The following NRXN1 variants were observed in gnomAD, a reference collection of about 807,000 sequenced individuals.
NRXN1 encodes the protein neurexin-1.
A neutral mutation model predicts 150.9 loss-of-function variants in NRXN1; 39 were observed. The ratio of observed to expected loss-of-function variants is 0.26; its 90% confidence interval spans 0.20 to 0.34. NRXN1 has a LOEUF of 0.34. NRXN1 is among the 10% of genes least tolerant of loss of function. The pLI, the probability that NRXN1 is intolerant of heterozygous loss-of-function variation, is 1.00. For missense variants in NRXN1, 1,815 were observed against 1,949.9 expected (o/e 0.93, Z 1.30); for synonymous variants, 924 against 757.0 (o/e 1.22, Z -3.62).
chr2:50,921,752 A>G, intron 5 of NRXN1, 117 bp downstream of exon 5: 2 of 421,236 alleles, frequency 4.7e-6, no homozygotes, highest in Non-Finnish European at 8.6e-6. Flanking sequence ...TTATTAACAC[A>G]TATACCTACC....
intron 17 of NRXN1, among the ~76,000 whole-genome samples, chr2:50,324,546 T>C (rs1312207980): frequency 1.3e-5 from 2 of 152,216 alleles, no homozygotes; most frequent in Non-Finnish European, 2.9e-5. Context: ...TTTTATTTTA[T>C]TTGTTTATTT....
At chr2:50,704,502 C>A (rs1694173539) in intron 5 of NRXN1, among the ~76,000 whole-genome samples, 1 of 151,014 alleles carries the variant, frequency 6.6e-6, no homozygotes, top group African/African-American at 2.4e-5. Flanking sequence ...AATTTAGAAG[C>A]TAAAAATCTG....
At chr2:50,498,073 C>T (rs368818943) in intron 13 of NRXN1, among the ~76,000 whole-genome samples, 13 of 151,988 alleles carry the variant, frequency 8.6e-5, no homozygotes, top group South Asian at 4.1e-4. Context: ...CACAGAGAGA[C>T]GCATTAGGAG....
intron 17 of NRXN1, among the ~76,000 whole-genome samples, chr2:50,401,711 C>G (rs917059818): frequency 6.6e-6 from 1 of 152,078 alleles, no homozygotes; most frequent in Non-Finnish European, 1.5e-5. Context: ...TTGGGGTAGG[C>G]AAGTTGCCAC....
intron 18 of NRXN1, among the ~76,000 whole-genome samples, chr2:50,134,098 T>A (rs1344452328): frequency 6.6e-6 from 1 of 152,006 alleles, no homozygotes; most frequent in Non-Finnish European, 1.5e-5. Context: ...TATGAAAATC[T>A]CACACTTTTA....
chr2:50,060,542 G>A (rs6545148), intron 19 of NRXN1, among the ~76,000 whole-genome samples: 2 of 151,982 alleles, frequency 1.3e-5, no homozygotes, highest in East Asian at 2.0e-4. Flanking sequence ...TGAAATGTGA[G>A]GGCATGAGAT....
At chr2:50,429,186 G>A (rs963895131) in intron 17 of NRXN1, among the ~76,000 whole-genome samples, 3 of 151,996 alleles carry the variant, frequency 2.0e-5, no homozygotes, top group African/African-American at 7.2e-5. Context: ...CCTAACCTGA[G>A]AGGTTGTTAA....
At chr2:50,964,320 A>G (rs1693704370) in intron 2 of NRXN1, among the ~76,000 whole-genome samples, 1 of 151,514 alleles carries the variant, frequency 6.6e-6, no homozygotes, top group Non-Finnish European at 1.5e-5. Flanking sequence ...CCTATGTGTC[A>G]GGTGACCACT....
At chr2:50,003,381 G>A (rs1684258990) in intron 21 of NRXN1, among the ~76,000 whole-genome samples, 1 of 152,016 alleles carries the variant, frequency 6.6e-6, no homozygotes, top group South Asian at 2.1e-4. Flanking sequence ...ACAAATTTTT[G>A]CTACTTCAAA....
rs552739091 is a variant in NRXN1, at chr2:50,957,957, G to T, written c.773-32002C>A. Among the ~76,000 whole-genome samples the T allele has an allele frequency of 2.0e-5, 3 of 152,108 alleles. No homozygotes were observed. The South Asian group carries it at 6.3e-4, about 32-fold the overall frequency. The stretch of plus-strand genomic sequence containing the variant: ...AAAACAAGGGATCATTCAAGAGTTA[G>T]CTTTTTTTGTAGTGGAATCATTCCA... On this transcript the variant is annotated intron_variant, in intron 2 of 22. Coordinates refer to ENST00000401669, the MANE Select transcript of NRXN1 (RefSeq NM_001330078.2).
intron 21 of NRXN1, among the ~76,000 whole-genome samples, chr2:49,963,062 C>T (rs940591760): frequency 1.3e-5 from 2 of 151,972 alleles, no homozygotes; most frequent in African/African-American, 4.8e-5. Flanking sequence ...ATTAAATATC[C>T]ATATTTATAT....
chr2:49,985,148 G>A (rs1208203304), intron 21 of NRXN1, among the ~76,000 whole-genome samples: 1 of 152,098 alleles, frequency 6.6e-6, no homozygotes, highest in Non-Finnish European at 1.5e-5. Context: ...TATACCTTTT[G>A]AAAATTTCCA....
chr2:50,753,973 G>GGA (rs1700902312), intron 5 of NRXN1, among the ~76,000 whole-genome samples: 2 of 125,208 alleles, frequency 1.6e-5, no homozygotes, highest in Middle Eastern at 4.2e-3. Flanking sequence ...TTGGGGGGGG[G>GGA]CGGAATTCCC....
At chr2:50,968,390 G>A (rs1481688917) in intron 2 of NRXN1, among the ~76,000 whole-genome samples, 1 of 152,048 alleles carries the variant, frequency 6.6e-6, no homozygotes, top group Non-Finnish European at 1.5e-5. Context: ...TAATAACTGA[G>A]TAAATGGAAG....
At chr2:50,071,741 T>C (rs1696326207) in intron 19 of NRXN1, among the ~76,000 whole-genome samples, 1 of 152,240 alleles carries the variant, frequency 6.6e-6, no homozygotes, top group South Asian at 2.1e-4. Context: ...TGAAATAATA[T>C]ATTGTTAGTT....
At chr2:50,719,648 C>T (rs546402986) in intron 5 of NRXN1, among the ~76,000 whole-genome samples, 2 of 152,010 alleles carry the variant, frequency 1.3e-5, no homozygotes, top group Admixed American at 6.5e-5. Flanking sequence ...TGCACTCCAG[C>T]CCAGGCGACA....
rs138191936 is a variant in NRXN1 at position 50,280,138 on chromosome 2, C to T, written c.3365-43168G>A. ...CTAAAAATACAAAAAAGTAGCAGGGCGTGGTGGCGGGCGCCTGTAGTCCCA... is the reference window on the plus strand; with the variant it reads ...CTAAAAATACAAAAAAGTAGCAGGGTGTGGTGGCGGGCGCCTGTAGTCCCA... On this transcript the variant is annotated intron_variant, in intron 17 of 22. Transcript: ENST00000401669. Among the ~76,000 whole-genome samples the T allele has an allele frequency of 7.3e-3, 1,101 of 151,774 alleles. 19 individuals are homozygous for T. Among genetic ancestry groups the T allele is most frequent in the African/African-American group, 0.025 (1,027 of 41,382 alleles).
At chr2:50,405,729 C>G (rs977689779) in intron 17 of NRXN1, among the ~76,000 whole-genome samples, 2 of 152,094 alleles carry the variant, frequency 1.3e-5, no homozygotes, top group Non-Finnish European at 2.9e-5. Context: ...AGGTTTATTA[C>G]TCACTCACGT....
At chr2:50,743,517 A>T (rs1052685934) in intron 5 of NRXN1, among the ~76,000 whole-genome samples, 1 of 152,214 alleles carries the variant, frequency 6.6e-6, no homozygotes, top group African/African-American at 2.4e-5. Context: ...TGAACATTAA[A>T]TAATAAGACT....
Sources: allele counts gnomAD v4.1 joint callset (sites outside exome capture counted in the v4.1 genomes callset), GRCh38; gene constraint gnomAD v4.1.1; transcripts MANE v1.5; gene names NCBI Gene and HGNC (gene_info 2026-07-23, HGNC 2026-07-21).